Variants in CSTF3 observed in about 807,000 individuals in gnomAD.
CSTF3 encodes cleavage stimulation factor subunit 3.
CSTF3 carries 29 observed loss-of-function variants against 105.8 expected under a neutral mutation model. The observed-to-expected ratio is 0.27, with a 90% CI of 0.20 to 0.37. The LOEUF is 0.37. CSTF3 is among the 10% of genes least tolerant of loss of function. CSTF3 has a pLI of 1.00. For missense variants in CSTF3, 357 were observed against 879.3 expected (o/e 0.41, Z 7.51); for synonymous variants, 252 against 281.9 (o/e 0.89, Z 1.06).
intron 3 of CSTF3, among the ~76,000 whole-genome samples, chr11:33,138,052 G>A (rs1042578643): frequency 6.6e-6 from 1 of 151,342 alleles, no homozygotes; most frequent in Admixed American, 6.6e-5. Flanking sequence ...TTATTTATAA[G>A]GAAGGAAAAA....
chr11:33,153,010 T>G (rs1191607660), intron 1 of CSTF3, among the ~76,000 whole-genome samples: 1 of 151,874 alleles, frequency 6.6e-6, no homozygotes, highest in Non-Finnish European at 1.5e-5. Flanking sequence ...CTATCATTAC[T>G]CACATAAGAA....
chr11:33,117,444 A>T (rs1855441242), intron 3 of CSTF3, among the ~76,000 whole-genome samples: 1 of 152,002 alleles, frequency 6.6e-6, no homozygotes, highest in South Asian at 2.1e-4. Context: ...AAAATGACTA[A>T]ATACTGCTAA....
At chr11:33,117,360 G>C (rs1212383367) in intron 3 of CSTF3, among the ~76,000 whole-genome samples, 1 of 151,910 alleles carries the variant, frequency 6.6e-6, no homozygotes, top group Non-Finnish European at 1.5e-5. Context: ...AAGGGTATAC[G>C]AAGGATCTGG....
rs191110276 is a variant in CSTF3 at position 33,106,877 on chromosome 11, A to G, written c.357-813T>C. Among the ~76,000 whole-genome samples the G allele has an allele frequency of 3.7e-4, 56 of 152,364 alleles. No homozygotes were observed. In the East Asian group the frequency reaches 6.9e-3, roughly 19 times the overall value. ...GAGACATTAAGATCTTTAGCTCTAA[A>G]GTAAAATGTAGAAATCTGGAAAGTA... On this transcript the variant is annotated intron_variant, in intron 5 of 20. Coordinates refer to ENST00000323959, the MANE Select transcript of CSTF3 (RefSeq NM_001326.3).
At chr11:33,139,015 T>A (rs1471717264) in intron 3 of CSTF3, among the ~76,000 whole-genome samples, 1 of 151,942 alleles carries the variant, frequency 6.6e-6, no homozygotes, top group African/African-American at 2.4e-5. Context: ...CATAGCTAAA[T>A]AGATACTGCT....
At chr11:33,118,996 A>G (rs1231332758) in intron 3 of CSTF3, among the ~76,000 whole-genome samples, 1 of 151,838 alleles carries the variant, frequency 6.6e-6, no homozygotes, top group African/African-American at 2.4e-5. Context: ...ATTGCTTTAT[A>G]AAATATTATA....
At chr11:33,129,432 T>A (rs570957476) in intron 3 of CSTF3, among the ~76,000 whole-genome samples, 32 of 151,598 alleles carry the variant, frequency 2.1e-4, no homozygotes, top group Admixed American at 1.2e-3. Flanking sequence ...TAAAAACCTA[T>A]AAAAATATAC....
chr11:33,155,621 C>T (rs2133810219), intron 1 of CSTF3, among the ~76,000 whole-genome samples: 1 of 152,222 alleles, frequency 6.6e-6, no homozygotes, highest in East Asian at 1.9e-4. Context: ...TTAGGACACA[C>T]AGAAGCTTTG....
In CSTF3 at chr11:33,092,066, T is replaced by G. The variant is rs78493253; in HGVS notation, c.1445+205A>C. ...GATAATAAATTGCTATGGCATCTCT[T>G]AAAAACAATTCTAATCACTGTGCAG... On this transcript the variant is annotated intron_variant, in intron 16 of 20. Transcript: ENST00000323959. 5.6e-3 allele frequency among the ~76,000 whole-genome samples: 855 copies of G among 152,190 alleles called. 8 individuals carry two copies. The highest frequency in any genetic ancestry group is 0.02 in the African/African-American group (816 of 41,552).
chr11:33,145,266 T>C (rs976693916), intron 1 of CSTF3, among the ~76,000 whole-genome samples: 6 of 151,194 alleles, frequency 4.0e-5, no homozygotes, highest in Non-Finnish European at 7.4e-5. Context: ...CGAAACCCCG[T>C]CTCTACAAAA....
chr11:33,135,193 C>T (rs1394986301), intron 3 of CSTF3, among the ~76,000 whole-genome samples: 1 of 152,050 alleles, frequency 6.6e-6, no homozygotes, highest in Admixed American at 6.6e-5. Flanking sequence ...AGTAAAAAAA[C>T]GGTTACAGTT....
intron 3 of CSTF3, among the ~76,000 whole-genome samples, chr11:33,136,550 CA>C (rs1855655269): frequency 6.6e-6 from 1 of 151,846 alleles, no homozygotes; most frequent in Admixed American, 6.6e-5. Flanking sequence ...ACAAACAATC[CA>C]TTAGAAAATA....
At chr11:33,147,688 T>A (rs2133803864) in intron 1 of CSTF3, among the ~76,000 whole-genome samples, 1 of 152,270 alleles carries the variant, frequency 6.6e-6, no homozygotes, top group Non-Finnish European at 1.5e-5. Flanking sequence ...AAAAAACAGT[T>A]CATCTATACT....
At chr11:33,121,935 A>G (rs576236728) in intron 3 of CSTF3, among the ~76,000 whole-genome samples, 2 of 152,332 alleles carry the variant, frequency 1.3e-5, no homozygotes, top group Non-Finnish European at 2.9e-5. Context: ...AACAACAACA[A>G]CAAGTTTCCT....
chr11:33,095,379 C>T (rs1433467191), intron 15 of CSTF3, among the ~76,000 whole-genome samples: 1 of 152,238 alleles, frequency 6.6e-6, no homozygotes, highest in Non-Finnish European at 1.5e-5. Context: ...AACTTTTATA[C>T]TACATCTTTT....
chr11:33,115,322 T>C (rs1449228315), intron 3 of CSTF3, among the ~76,000 whole-genome samples: 1 of 152,224 alleles, frequency 6.6e-6, no homozygotes, highest in African/African-American at 2.4e-5. Context: ...ACTTTTTCAC[T>C]ACTCTTTTCA....
chr11:33,097,465 G>C (rs542105304), intron 13 of CSTF3, among the ~76,000 whole-genome samples: 1 of 152,176 alleles, frequency 6.6e-6, no homozygotes, highest in South Asian at 2.1e-4. Flanking sequence ...TGTCTCCTGG[G>C]GTCAAGCCAT....
chr11:33,108,065 TG>T, intron 4 of CSTF3, 65 bp from the exon 5 acceptor site: 1 of 1,029,200 alleles, frequency 9.7e-7, no homozygotes, highest in Non-Finnish European at 1.4e-6. Context: ...ATAGATGAAA[TG>T]GAACATTAAA....
At chr11:33,130,075 AAAGTC>A (rs535362970) in intron 3 of CSTF3, among the ~76,000 whole-genome samples, 63 of 152,348 alleles carry the variant, frequency 4.1e-4, no homozygotes, top group South Asian at 3.5e-3. Context: ...ATTAACTAGA[AAAGTC>A]AAGATCCTTT....
Sources: allele counts gnomAD v4.1 joint callset (sites outside exome capture counted in the v4.1 genomes callset), GRCh38; gene constraint gnomAD v4.1.1; transcripts MANE v1.5; gene names NCBI Gene and HGNC (gene_info 2026-07-23, HGNC 2026-07-21).